The following ZBTB7C variants were observed in gnomAD, a reference collection of about 807,000 sequenced individuals.
ZBTB7C encodes zinc finger and BTB domain-containing protein 7C.
In ZBTB7C, 8 loss-of-function variants were observed where a neutral mutation model predicts 25.7. The ratio of observed to expected loss-of-function variants is 0.31; its 90% CI spans 0.18 to 0.56. The LOEUF (loss-of-function observed/expected upper bound fraction) is 0.56, where lower values mean the gene tolerates loss of function less well. Among genes scored for constraint, ZBTB7C ranks in the 20% least tolerant of loss-of-function variants. The probability of loss-of-function intolerance (pLI) is 0.91; values close to 1 mark genes in which losing one functional copy is unlikely to be tolerated. For synonymous variants in ZBTB7C, 394 were observed against 369.0 expected (o/e 1.07, Z -0.78); for missense variants, 824 against 855.2 (o/e 0.96, Z 0.46).
At chr18:48,264,788 C>T (rs1018579883) in intron 2 of ZBTB7C, among the ~76,000 whole-genome samples, 4 of 152,170 alleles carry the variant, frequency 2.6e-5, no homozygotes, top group South Asian at 2.1e-4. Context: ...GGGAGTCAGC[C>T]AAAAGGGCAG....
At chr18:48,407,445 C>T (rs2048306542) in intron 1 of ZBTB7C, among the ~76,000 whole-genome samples, 1 of 152,170 alleles carries the variant, frequency 6.6e-6, no homozygotes, top group African/African-American at 2.4e-5. Flanking sequence ...GGAAATATAC[C>T]ACATTCGCTG....
At chr18:48,392,667 A>G (rs2047929443) in intron 1 of ZBTB7C, among the ~76,000 whole-genome samples, 1 of 152,218 alleles carries the variant, frequency 6.6e-6, no homozygotes, top group Non-Finnish European at 1.5e-5. Context: ...TCCCACAAAC[A>G]ATAAAGAAAT....
At chr18:48,152,318 T>C (rs558444351) in intron 3 of ZBTB7C, among the ~76,000 whole-genome samples, 2 of 152,214 alleles carry the variant, frequency 1.3e-5, no homozygotes, top group South Asian at 4.2e-4. Context: ...GTTTATGACC[T>C]CTAAAATGTT....
intron 3 of ZBTB7C, among the ~76,000 whole-genome samples, chr18:48,056,369 A>G (rs986296381): frequency 6.6e-6 from 1 of 152,270 alleles, no homozygotes; most frequent in Non-Finnish European, 1.5e-5. Flanking sequence ...AAATTAGATA[A>G]GCTGATTCTG....
intron 4 of ZBTB7C, among the ~76,000 whole-genome samples, chr18:48,035,336 T>C (rs7234787): frequency 0.12 from 17,568 of 152,250 alleles, 1,152 homozygotes; most frequent in African/African-American, 0.17. Flanking sequence ...TCTGTTTTCA[T>C]TTTGCAGTTT....
chr18:48,238,311 G>A (rs2043433109), intron 2 of ZBTB7C, among the ~76,000 whole-genome samples: 1 of 152,210 alleles, frequency 6.6e-6, no homozygotes, highest in Non-Finnish European at 1.5e-5. Flanking sequence ...CACTCGGATG[G>A]ACAGAACAGT....
At chr18:48,054,193 G>A (rs2036819447) in intron 3 of ZBTB7C, among the ~76,000 whole-genome samples, 1 of 152,190 alleles carries the variant, frequency 6.6e-6, no homozygotes, top group East Asian at 1.9e-4. Flanking sequence ...AAGGAAATCA[G>A]GGAAGGTTCT....
At chr18:48,368,910 C>T (rs2047318924) in intron 1 of ZBTB7C, among the ~76,000 whole-genome samples, 1 of 152,184 alleles carries the variant, frequency 6.6e-6, no homozygotes, top group African/African-American at 2.4e-5. Flanking sequence ...ACTCACTTCT[C>T]TCCCCATCCC....
intron 2 of ZBTB7C, among the ~76,000 whole-genome samples, chr18:48,261,147 C>T (rs545352838): frequency 9.2e-5 from 14 of 152,300 alleles, no homozygotes; most frequent in African/African-American, 2.9e-4. Flanking sequence ...ATCGGATAAA[C>T]GTCACCAACT....
At chr18:48,060,951 G>A (rs1002155422) in intron 3 of ZBTB7C, among the ~76,000 whole-genome samples, 2 of 151,996 alleles carry the variant, frequency 1.3e-5, no homozygotes, top group Admixed American at 6.6e-5. Context: ...AAACCCAGTC[G>A]CATCCAACCC....
At chr18:48,047,337 CCACACA>C (rs61078960) in intron 3 of ZBTB7C, among the ~76,000 whole-genome samples, 1 of 150,238 alleles carries the variant, frequency 6.7e-6, no homozygotes, top group Non-Finnish European at 1.5e-5. Context: ...GAAAAAAATT[CCACACA>C]CACACACACA....
At chr18:48,184,946 G>A (rs1462012935) in intron 3 of ZBTB7C, among the ~76,000 whole-genome samples, 3 of 152,060 alleles carry the variant, frequency 2.0e-5, no homozygotes, top group African/African-American at 7.2e-5. Context: ...ACAACCTCAA[G>A]TTTGTGAAAA....
rs918162877 is a variant in ZBTB7C, at chr18:48,028,978, T to C, written c.*282A>G. On this transcript the variant is annotated 3_prime_UTR_variant, in exon 5 of 5. Coordinates refer to ENST00000590800, the MANE Select transcript of ZBTB7C (RefSeq NM_001318841.2). ...TAAGTGCCCCTGGGCACCCAGTTCT[T>C]TGTGGCATGGGCCGGTGCAAGTTTC... 1.4e-5 allele frequency: 6 copies of C among 420,602 alleles called. No individual in the cohort carries two copies. The Admixed American group carries it at 2.8e-4, about 20-fold the overall frequency. The allele number at this position is 420,602 out of a possible 1,614,324, so 26.1% of individuals were successfully genotyped here. A position where few individuals can be genotyped will look rare whatever the true frequency, so the allele number is the denominator to read the frequency against.
intron 2 of ZBTB7C, among the ~76,000 whole-genome samples, chr18:48,230,707 C>T (rs1170782028): frequency 6.6e-6 from 1 of 152,138 alleles, no homozygotes; most frequent in African/African-American, 2.4e-5. Context: ...ACTGATAGTC[C>T]AAGGCGAAAG....
intron 3 of ZBTB7C, among the ~76,000 whole-genome samples, chr18:48,184,638 G>A (rs72922183): frequency 0.047 from 7,150 of 152,054 alleles, 245 homozygotes; most frequent in Non-Finnish European, 0.071. Context: ...ATATATCCCA[G>A]CTGCCCCTCA....
Position 48,040,576 on chromosome 18 carries a change from G to C in ZBTB7C, c.532C>G (p.Pro178Ala), listed in dbSNP as rs763311721. The C allele has an allele frequency of 1.9e-6, 3 of 1,613,858 alleles. No homozygotes were observed. The highest frequency in any genetic ancestry group is 1.7e-6 in the Non-Finnish European group (2 of 1,179,974). ...TEDFADQENL[P>A]DPQDISCHQS... ...TGGCAGCTGATGTCCTGGGGGTCAG[G>C]CAAGTTTTCTTGGTCAGCAAAGTCC... is the stretch of plus-strand genomic sequence containing the variant. Residue 178 changes from proline (P) to alanine (A), a missense_variant, in exon 4 of 5, where the codon CCT becomes GCT. Around this residue, in one of 4 missense-constraint regions of ZBTB7C, gnomAD observed 316 missense variants for 299.2 expected, o/e 1.06. Coordinates refer to ENST00000590800, the MANE Select transcript of ZBTB7C (RefSeq NM_001318841.2).
intron 3 of ZBTB7C, among the ~76,000 whole-genome samples, chr18:48,112,386 G>A (rs148284971): frequency 2.1e-5 from 3 of 144,228 alleles, no homozygotes; most frequent in Non-Finnish European, 3.0e-5. Flanking sequence ...TCGCTCTGTC[G>A]CCCAGGACGG....
chr18:48,396,851 C>T (rs1188734463), intron 1 of ZBTB7C, among the ~76,000 whole-genome samples: 1 of 152,196 alleles, frequency 6.6e-6, no homozygotes, highest in Non-Finnish European at 1.5e-5. Context: ...ACATGGCTCT[C>T]ATAGAAGTTG....
At chr18:48,106,931 C>A (rs1366583737) in intron 3 of ZBTB7C, among the ~76,000 whole-genome samples, 5 of 152,062 alleles carry the variant, frequency 3.3e-5, no homozygotes, top group African/African-American at 1.2e-4. Context: ...ATATACCAGG[C>A]TCAGCAAGCT....
Sources: gnomAD v4.1 joint callset for allele counts (sites outside exome capture counted in the v4.1 genomes callset) on GRCh38, gnomAD v4.1.1 for gene constraint, gnomAD v4.1.1 regional missense constraint, MANE v1.5 for transcripts, NCBI Gene and HGNC (gene_info 2026-07-23, HGNC 2026-07-21) for gene names.